Variants in CHRDL1 observed in about 807,000 individuals in gnomAD.
The protein encoded by CHRDL1 is chordin like 1.
CHRDL1 carries 19 observed loss-of-function variants against 40.9 expected under a neutral mutation model. The ratio of observed to expected loss-of-function variants is 0.46; its 90% confidence interval spans 0.32 to 0.68. CHRDL1 has a LOEUF of 0.68. CHRDL1 is among the 30% of genes least tolerant of loss of function. The probability of loss-of-function intolerance (pLI) is 0.03; values close to 1 mark genes in which losing one functional copy is unlikely to be tolerated. For missense variants in CHRDL1, 329 were observed against 352.1 expected (o/e 0.93, Z 0.53); for synonymous variants, 136 against 123.4 (o/e 1.10, Z -0.68).
intron 1 of CHRDL1, among the ~76,000 whole-genome samples, chrX:110,793,080 TG>T (rs1366378465): frequency 8.9e-6 from 1 of 112,166 alleles, no homozygotes; most frequent in Non-Finnish European, 1.9e-5. Context: ...TTTCCACAGA[TG>T]TTAGAGTTTG....
chrX:110,689,406 CTATATA>C (rs1206328189), intron 8 of CHRDL1, among the ~76,000 whole-genome samples: 2 of 37,881 alleles, frequency 5.3e-5, no homozygotes, highest in Admixed American at 2.2e-4. Context: ...CTATATATAT[CTATATA>C]TCTATATATA....
intron 2 of CHRDL1, among the ~76,000 whole-genome samples, chrX:110,769,721 T>C (rs747449300): frequency 3.6e-5 from 4 of 111,728 alleles, no homozygotes; most frequent in Non-Finnish European, 7.5e-5. Context: ...ACTCCCTTTT[T>C]TAAAACCATC....
intron 9 of CHRDL1, among the ~76,000 whole-genome samples, chrX:110,687,917 G>GA (rs2070059313): frequency 8.9e-6 from 1 of 111,774 alleles, no homozygotes; most frequent in Non-Finnish European, 1.9e-5. Flanking sequence ...TACTGGCATA[G>GA]AAAAAACGAT....
rs2070212235 is a variant in CHRDL1, at chrX:110,689,909, ATATCTATATATATCTATATATC to A, written c.779-1128_779-1107del. Among the ~76,000 whole-genome samples, 2 of 65,755 alleles carry A rather than the reference ATATCTATATATATCTATATATC, an allele frequency of 3.0e-5. 1 individual carries two copies. Among genetic ancestry groups the A allele is most frequent in the Non-Finnish European group, 4.8e-5 (2 of 41,331 alleles). The allele number at this position is 65,755 out of a possible 115,157, so 57.1% of individuals were successfully genotyped here. On this transcript the variant is annotated intron_variant, in intron 8 of 11. Transcript: ENST00000372042. Reference sequence around the variant, plus strand: ...TATCTATATATCTATATATATCTATATATCTATATATATCTATATATCTATATATATCTATATATCTATATAT... The same window carrying A: ...TATCTATATATCTATATATATCTATATATATATATCTATATATCTATATAT...
intron 7 of CHRDL1, among the ~76,000 whole-genome samples, chrX:110,696,202 G>A (rs1173911628): frequency 9.0e-6 from 1 of 111,453 alleles, no homozygotes. Flanking sequence ...CCCAGGATAA[G>A]CTGCAAGTAC....
intron 4 of CHRDL1, among the ~76,000 whole-genome samples, chrX:110,725,367 C>T (rs2071036555): frequency 8.9e-6 from 1 of 112,033 alleles, no homozygotes; most frequent in Non-Finnish European, 1.9e-5. Context: ...CTTTTGCAAT[C>T]AGATTTTGTA....
intron 6 of CHRDL1, among the ~76,000 whole-genome samples, chrX:110,706,221 T>C (rs1008849474): frequency 5.4e-5 from 6 of 111,032 alleles, no homozygotes; most frequent in African/African-American, 1.6e-4. Context: ...AGATGGAGGC[T>C]TTTTCATTCA....
intron 2 of CHRDL1, among the ~76,000 whole-genome samples, chrX:110,766,101 G>A (rs1180487397): frequency 9.0e-6 from 1 of 111,550 alleles, no homozygotes; most frequent in Non-Finnish European, 1.9e-5. Flanking sequence ...AATGAGCATT[G>A]GGTGAAAAAC....
At chrX:110,778,798 T>C (rs2089893477) in intron 2 of CHRDL1, among the ~76,000 whole-genome samples, 1 of 111,699 alleles carries the variant, frequency 9.0e-6, no homozygotes, top group South Asian at 3.7e-4. Context: ...GACACATGTG[T>C]GCATATGTTC....
rs1442296224 is a variant in CHRDL1 at position 110,689,089 on chromosome X, T to A, written c.779-286A>T. 6.9e-3 allele frequency among the ~76,000 whole-genome samples: 584 copies of A among 84,518 alleles called. 27 individuals are homozygous for A. Among genetic ancestry groups the A allele is most frequent in the African/African-American group, 0.024 (546 of 22,612 alleles). 73.4% of individuals were successfully genotyped at this position (84,518 alleles called of 115,157 possible). A position where few individuals can be genotyped will look rare whatever the true frequency, so the allele number is the denominator to read the frequency against. ...ATATATATGTATATATATATATATA[T>A]ATATATATATATATATATATATATT... On this transcript the variant is annotated intron_variant, in intron 8 of 11. Coordinates refer to ENST00000372042, the MANE Select transcript of CHRDL1 (RefSeq NM_001143981.2).
intron 4 of CHRDL1, among the ~76,000 whole-genome samples, chrX:110,722,665 T>A (rs2070983517): frequency 8.9e-6 from 1 of 112,386 alleles, no homozygotes; most frequent in African/African-American, 3.2e-5. Context: ...GGTAAATTCT[T>A]ACCTTCATTT....
At chrX:110,768,087 C>T (rs1450979367) in intron 2 of CHRDL1, among the ~76,000 whole-genome samples, 1 of 111,949 alleles carries the variant, frequency 8.9e-6, no homozygotes, top group African/African-American at 3.2e-5. Flanking sequence ...TGTTCCCTTT[C>T]TTTGGAAATG....
At chrX:110,783,907 C>G (rs1052758898) in intron 2 of CHRDL1, among the ~76,000 whole-genome samples, 2 of 111,884 alleles carry the variant, frequency 1.8e-5, no homozygotes, top group Non-Finnish European at 3.8e-5. Flanking sequence ...AAAACATTCC[C>G]AAGAACTGTT....
intron 2 of CHRDL1, among the ~76,000 whole-genome samples, chrX:110,773,468 C>T (rs2089793740): frequency 9.0e-6 from 1 of 111,217 alleles, no homozygotes; most frequent in Non-Finnish European, 1.9e-5. Context: ...GTGGCTCACG[C>T]CTGTAATCCC....
At chrX:110,676,980 G>A (rs961811565) in intron 11 of CHRDL1, among the ~76,000 whole-genome samples, 1 of 110,793 alleles carries the variant, frequency 9.0e-6, no homozygotes. Context: ...TATACCCCAT[G>A]GAATCCCTTT....
At chrX:110,775,411 T>C (rs984152536) in intron 2 of CHRDL1, among the ~76,000 whole-genome samples, 3 of 111,425 alleles carry the variant, frequency 2.7e-5, no homozygotes, top group Non-Finnish European at 5.7e-5. Context: ...AACTGAGGAA[T>C]TTGACTTGAA....
Position 110,721,354 on chromosome X carries a change from C to A in CHRDL1, c.447+31G>T, listed in dbSNP as rs760799785. The A allele has an allele frequency of 2.5e-6, 3 of 1,194,153 alleles. No homozygotes were observed. The South Asian group carries it at 5.3e-5, about 21-fold the overall frequency. On this transcript the variant is annotated intron_variant, in intron 5 of 11. Coordinates refer to ENST00000372042, the MANE Select transcript of CHRDL1 (RefSeq NM_001143981.2). ...GGAAGCTCTTGTATTTGAGTAGGGC[C>A]TAGCAGGAATGTTAAGATGTAGGGT...
chrX:110,765,400 T>C (rs887549780), intron 2 of CHRDL1, among the ~76,000 whole-genome samples: 15 of 112,314 alleles, frequency 1.3e-4, no homozygotes, highest in African/African-American at 4.5e-4. Context: ...GAAGGGTTTT[T>C]CCAATGTTAT....
chrX:110,701,516 C>T lies in CHRDL1; in HGVS notation c.542-795G>A, dbSNP rs745998510. On this transcript the variant is annotated intron_variant, in intron 6 of 11. Transcript: ENST00000372042. Reference sequence around the variant, plus strand: ...TTCTATTCTGATTACTCTCTCAAGCCTTCATAAGAGTAACACGCCGGGTGC... The same window carrying T: ...TTCTATTCTGATTACTCTCTCAAGCTTTCATAAGAGTAACACGCCGGGTGC... Among the ~76,000 whole-genome samples, 4 of 111,977 alleles carry T rather than the reference C, an allele frequency of 3.6e-5. No individual in the cohort carries two copies. The Admixed American group carries it at 3.8e-4, about 11-fold the overall frequency.
Sources: allele counts gnomAD v4.1 joint callset (sites outside exome capture counted in the v4.1 genomes callset), GRCh38; gene constraint gnomAD v4.1.1; transcripts MANE v1.5; gene names NCBI Gene and HGNC (gene_info 2026-07-23, HGNC 2026-07-21).